GRID2: variants seen among roughly 807,000 people sequenced by gnomAD.
GRID2 encodes glutamate ionotropic receptor delta type subunit 2, also known as glutamate receptor ionotropic, delta-2.
A neutral mutation model predicts 114.8 loss-of-function variants in GRID2; 33 were observed. The ratio of observed to expected loss-of-function variants is 0.29; its 90% CI spans 0.22 to 0.38. The LOEUF (loss-of-function observed/expected upper bound fraction) is 0.38, where lower values mean the gene tolerates loss of function less well. Ranked by LOEUF, GRID2 falls within the 10% of genes least tolerant of loss-of-function variation. The pLI, the probability that GRID2 is intolerant of heterozygous loss-of-function variation, is 1.00. For synonymous variants in GRID2, 505 were observed against 449.9 expected (o/e 1.12, Z -1.55); for missense variants, 1,184 against 1,257.7 (o/e 0.94, Z 0.89).
At position 93,774,118 on chromosome 4, in the gene GRID2, ATATAT is replaced by A. The variant is rs891126769; in HGVS notation, c.*1627_*1631del. The A allele has an allele frequency of 1.2e-4, 18 of 152,170 alleles. No individual in the cohort carries two copies. The highest frequency in any genetic ancestry group is 3.6e-4 in the African/African-American group (15 of 41,550). 9.4% of individuals were successfully genotyped at this position (152,170 alleles called of 1,614,324 possible). A position where few individuals can be genotyped will look rare whatever the true frequency, so the allele number is the denominator to read the frequency against. On this transcript the variant is annotated 3_prime_UTR_variant, in exon 16 of 16. Transcript: ENST00000282020. Reference sequence around the variant, plus strand: ...AGAAATTAAAAGGTATATTCTTAAGATATATTATATTTTGATGCTAATTCTGTTCT... The same window carrying A: ...AGAAATTAAAAGGTATATTCTTAAGATATATTTTGATGCTAATTCTGTTCT...
intron 13 of GRID2, among the ~76,000 whole-genome samples, chr4:93,535,344 G>A (rs1731948024): frequency 1.3e-5 from 2 of 151,560 alleles, no homozygotes; most frequent in African/African-American, 4.8e-5. Flanking sequence ...TATAAAGAAT[G>A]CCACCATGAA....
chr4:93,380,818 CTG>C (rs1453323920), intron 8 of GRID2, among the ~76,000 whole-genome samples: 1 of 151,952 alleles, frequency 6.6e-6, no homozygotes, highest in African/African-American at 2.4e-5. Context: ...CTTAAAACAA[CTG>C]TTTTATTACT....
intron 1 of GRID2, among the ~76,000 whole-genome samples, chr4:92,507,524 C>T (rs1466230614): frequency 6.6e-6 from 1 of 151,452 alleles, no homozygotes; most frequent in Non-Finnish European, 1.5e-5. Context: ...TTCCTCATAA[C>T]CCCTATGTAG....
At position 93,728,851 on chromosome 4, in the gene GRID2, C is replaced by T. The variant is rs555141998; in HGVS notation, c.2361-40359C>T. Among the ~76,000 whole-genome samples, 5 of 152,182 alleles carry T rather than the reference C, an allele frequency of 3.3e-5. No homozygotes were observed. In the East Asian group the frequency reaches 9.7e-4, roughly 29 times the overall value. On this transcript the variant is annotated intron_variant, in intron 14 of 15. Transcript: ENST00000282020. ...TTCCATTTGCTTGGTAGATCTTCCT[C>T]CATCCTTTTATTTTGAGCCTATGTG...
chr4:93,369,243 A>C (rs1251120349), intron 8 of GRID2, among the ~76,000 whole-genome samples: 3 of 152,094 alleles, frequency 2.0e-5, no homozygotes, highest in Non-Finnish European at 1.5e-5. Flanking sequence ...CTCCATGGCC[A>C]TGTTGCCTCC....
chr4:92,832,542 C>T (rs975652648), intron 2 of GRID2, among the ~76,000 whole-genome samples: 4 of 151,970 alleles, frequency 2.6e-5, no homozygotes, highest in Non-Finnish European at 4.4e-5. Context: ...TACAGGCACC[C>T]GCCACCACGC....
chr4:93,145,416 T>G (rs973473937), intron 4 of GRID2, among the ~76,000 whole-genome samples: 3 of 151,496 alleles, frequency 2.0e-5, no homozygotes, highest in Admixed American at 1.3e-4. Context: ...TTAATTTGTT[T>G]TCATTTTAAT....
At chr4:93,102,266 C>T (rs1578991396) in intron 3 of GRID2, among the ~76,000 whole-genome samples, 1 of 152,312 alleles carries the variant, frequency 6.6e-6, no homozygotes, top group East Asian at 1.9e-4. Flanking sequence ...AAGACCACTT[C>T]TTCTGATTAT....
intron 8 of GRID2, among the ~76,000 whole-genome samples, chr4:93,317,704 T>G (rs992300150): frequency 6.6e-6 from 1 of 151,984 alleles, no homozygotes; most frequent in Non-Finnish European, 1.5e-5. Flanking sequence ...TTCCAATTTA[T>G]TTTCTTTGCG....
chr4:92,907,982 C>T (rs540783851), intron 2 of GRID2, among the ~76,000 whole-genome samples: 2 of 152,038 alleles, frequency 1.3e-5, no homozygotes, highest in Non-Finnish European at 2.9e-5. Context: ...GAGACTATGG[C>T]ACTGTACTCC....
At chr4:93,675,492 T>C (rs1009049653) in intron 14 of GRID2, among the ~76,000 whole-genome samples, 12 of 152,202 alleles carry the variant, frequency 7.9e-5, no homozygotes, top group Admixed American at 6.5e-5. Flanking sequence ...TATTAAACAC[T>C]CTTCTAAGTG....
At chr4:92,541,354 AAC>A (rs1363732826) in intron 1 of GRID2, among the ~76,000 whole-genome samples, 1 of 152,102 alleles carries the variant, frequency 6.6e-6, no homozygotes, top group Non-Finnish European at 1.5e-5. Flanking sequence ...ACATTCAAGA[AAC>A]AATTTTTTGG....
intron 1 of GRID2, among the ~76,000 whole-genome samples, chr4:92,534,573 T>C (rs1238574006): frequency 6.6e-6 from 1 of 152,148 alleles, no homozygotes; most frequent in Non-Finnish European, 1.5e-5. Context: ...TAAAGTATGA[T>C]AGCAATTTAA....
At chr4:92,926,357 T>C (rs1242587927) in intron 2 of GRID2, among the ~76,000 whole-genome samples, 2 of 151,980 alleles carry the variant, frequency 1.3e-5, no homozygotes, top group Non-Finnish European at 2.9e-5. Context: ...TACTATTTTG[T>C]AGTGGTGACA....
intron 9 of GRID2, among the ~76,000 whole-genome samples, chr4:93,401,409 A>T (rs1285264859): frequency 6.6e-6 from 1 of 152,094 alleles, no homozygotes; most frequent in African/African-American, 2.4e-5. Flanking sequence ...TGCAATTGTA[A>T]TTAGCACCAT....
intron 2 of GRID2, among the ~76,000 whole-genome samples, chr4:93,068,339 G>C (rs1378978305): frequency 6.6e-6 from 1 of 152,042 alleles, no homozygotes; most frequent in East Asian, 1.9e-4. Flanking sequence ...AGTAAAGAGT[G>C]ATCATAGTAC....
intron 2 of GRID2, among the ~76,000 whole-genome samples, chr4:93,007,344 TAAAA>T (rs938477328): frequency 6.6e-6 from 1 of 151,190 alleles, no homozygotes; most frequent in African/African-American, 2.4e-5. Context: ...AAGGATATTT[TAAAA>T]AAAAACCTCT....
At chr4:93,026,313 A>T (rs1723879127) in intron 2 of GRID2, among the ~76,000 whole-genome samples, 1 of 151,784 alleles carries the variant, frequency 6.6e-6, no homozygotes, top group African/African-American at 2.4e-5. Flanking sequence ...TATAGGGCAT[A>T]TTTGGCCTCA....
intron 1 of GRID2, among the ~76,000 whole-genome samples, chr4:92,531,369 G>T (rs1440708273): frequency 6.6e-6 from 1 of 152,070 alleles, no homozygotes; most frequent in Non-Finnish European, 1.5e-5. Flanking sequence ...AATTACAAAT[G>T]AAGTATGACT....
Sources: allele counts gnomAD v4.1 joint callset (sites outside exome capture counted in the v4.1 genomes callset), GRCh38; gene constraint gnomAD v4.1.1; transcripts MANE v1.5; gene names NCBI Gene and HGNC (gene_info 2026-07-23, HGNC 2026-07-21).